The following OPCML variants were observed in gnomAD, a reference collection of about 807,000 sequenced individuals.
The protein encoded by OPCML is opioid binding protein/cell adhesion molecule like, also known as opioid-binding protein/cell adhesion molecule.
Under a neutral mutation model 37.8 loss-of-function variants are expected in OPCML, and 13 were observed. The observed-to-expected ratio is 0.34, with a 90% confidence interval of 0.22 to 0.55. The LOEUF (loss-of-function observed/expected upper bound fraction) is 0.55. Among genes scored for constraint, OPCML ranks in the 20% least tolerant of loss-of-function variants. The probability of loss-of-function intolerance (pLI) is 0.91; values close to 1 mark genes in which losing one functional copy is unlikely to be tolerated. For missense variants in OPCML, 341 were observed against 435.6 expected (o/e 0.78, Z 1.93); for synonymous variants, 176 against 168.8 (o/e 1.04, Z -0.33).
At chr11:132,912,364 A>G (rs149265348) in intron 2 of OPCML, among the ~76,000 whole-genome samples, 50 of 152,290 alleles carry the variant, frequency 3.3e-4, no homozygotes, top group Admixed American at 5.2e-4. Flanking sequence ...CCAATATACA[A>G]CTCAATATAT....
chr11:133,084,317 G>C (rs980442019), intron 1 of OPCML, among the ~76,000 whole-genome samples: 1 of 152,052 alleles, frequency 6.6e-6, no homozygotes, highest in Non-Finnish European at 1.5e-5. Flanking sequence ...AACATCATTT[G>C]GTTCTTATCA....
intron 1 of OPCML, among the ~76,000 whole-genome samples, chr11:133,001,739 G>T (rs765605456): frequency 9.9e-5 from 15 of 152,152 alleles, no homozygotes; most frequent in Non-Finnish European, 1.6e-4. Flanking sequence ...AAACCCAAAG[G>T]CCTATAGATT....
chr11:133,223,523 G>GA (rs1220129431), intron 1 of OPCML, among the ~76,000 whole-genome samples: 1 of 152,142 alleles, frequency 6.6e-6, no homozygotes. Context: ...GCATAGTCGG[G>GA]AAAAATATGG....
At chr11:133,007,109 A>G in intron 1 of OPCML, 1 of 985,394 alleles carries the variant, frequency 1.0e-6, no homozygotes. Flanking sequence ...GACATCCCCT[A>G]GAGCTTTATT....
chr11:133,027,703 C>T (rs1218667753), intron 1 of OPCML, among the ~76,000 whole-genome samples: 1 of 11,428 alleles, frequency 8.8e-5, no homozygotes, highest in Non-Finnish European at 1.8e-4. Flanking sequence ...TGGTATGTGT[C>T]ATGTGTATGG....
At chr11:132,674,351 C>G (rs1427178998) in intron 2 of OPCML, among the ~76,000 whole-genome samples, 1 of 152,150 alleles carries the variant, frequency 6.6e-6, no homozygotes, top group African/African-American at 2.4e-5. Flanking sequence ...TTTAAATCTG[C>G]AGGAAGCTGA....
intron 1 of OPCML, among the ~76,000 whole-genome samples, chr11:133,392,748 C>A (rs1398868926): frequency 6.6e-6 from 1 of 152,240 alleles, no homozygotes; most frequent in East Asian, 1.9e-4. Flanking sequence ...ACAGGTTTCT[C>A]TTAGCAGTCC....
intron 2 of OPCML, among the ~76,000 whole-genome samples, chr11:132,788,461 TC>T (rs1225081325): frequency 1.3e-5 from 2 of 152,170 alleles, no homozygotes; most frequent in African/African-American, 4.8e-5. Context: ...ACAATCTCTC[TC>T]CTGGGCTAGT....
At chr11:133,053,776 G>T (rs1031643336) in intron 1 of OPCML, among the ~76,000 whole-genome samples, 24 of 152,118 alleles carry the variant, frequency 1.6e-4, no homozygotes, top group African/African-American at 5.5e-4. Context: ...CACTGAGTTC[G>T]TGCCCAGGAA....
intron 2 of OPCML, among the ~76,000 whole-genome samples, chr11:132,689,477 T>C (rs1943314830): frequency 6.6e-6 from 1 of 152,196 alleles, no homozygotes; most frequent in Non-Finnish European, 1.5e-5. Flanking sequence ...GCTAAGGGTA[T>C]TAGAAAAGAA....
At position 132,982,934 on chromosome 11, in the gene OPCML, G is replaced by A. The variant is rs1174960341; in HGVS notation, c.62-39924C>T. On this transcript the variant is annotated intron_variant, in intron 1 of 7. Transcript: ENST00000524381. ...TTGGCCCCTTGTAAATCACAGAGTT[G>A]ATACTCCTGTTCCCAGCCTGGGTAA... Among the ~76,000 whole-genome samples, 7 of 152,272 alleles carry A rather than the reference G, an allele frequency of 4.6e-5. 1 individual carries two copies. The South Asian group carries it at 1.0e-3, about 23-fold the overall frequency.
intron 1 of OPCML, among the ~76,000 whole-genome samples, chr11:133,209,001 A>G (rs1334952188): frequency 6.6e-6 from 1 of 152,216 alleles, no homozygotes; most frequent in Non-Finnish European, 1.5e-5. Flanking sequence ...TTCTCTTCAC[A>G]TGACCAATTC....
chr11:132,791,210 G>C lies in OPCML; in HGVS notation c.147-133891C>G, dbSNP rs142885812. Reference sequence around the variant, plus strand: ...TCGTCCACGATCACACACTGTTGCAGCTGGGGAAGACTTGCCACATCTTCT... The same window carrying C: ...TCGTCCACGATCACACACTGTTGCACCTGGGGAAGACTTGCCACATCTTCT... On this transcript the variant is annotated intron_variant, in intron 2 of 7. Coordinates refer to ENST00000524381, the MANE Select transcript of OPCML (RefSeq NM_001012393.5). Among the ~76,000 whole-genome samples the C allele has an allele frequency of 1.7e-3, 255 of 152,316 alleles. 2 individuals carry two copies. The highest frequency in any genetic ancestry group is 4.0e-4 in the Non-Finnish European group (27 of 68,034).
intron 3 of OPCML, among the ~76,000 whole-genome samples, chr11:132,563,781 A>G (rs2096415919): frequency 6.7e-6 from 1 of 149,382 alleles, no homozygotes; most frequent in African/African-American, 2.5e-5. Context: ...CTTTTACGTT[A>G]TTAAAAAAAC....
intron 1 of OPCML, among the ~76,000 whole-genome samples, chr11:133,080,755 G>A (rs1189452159): frequency 1.3e-5 from 2 of 152,158 alleles, no homozygotes; most frequent in African/African-American, 4.8e-5. Flanking sequence ...CTATGAAGGA[G>A]CTCAATGGTT....
At chr11:132,583,629 T>G (rs2096466525) in intron 3 of OPCML, among the ~76,000 whole-genome samples, 1 of 152,146 alleles carries the variant, frequency 6.6e-6, no homozygotes, top group African/African-American at 2.4e-5. Flanking sequence ...ATTTATTTAC[T>G]TTTTGAAAGA....
At position 133,266,037 on chromosome 11, in the gene OPCML, A is replaced by G. The variant is rs554779502; in HGVS notation, c.61+266227T>C. Among the ~76,000 whole-genome samples, 98 of 152,276 alleles carry G rather than the reference A, an allele frequency of 6.4e-4. 1 individual carries two copies. The highest frequency in any genetic ancestry group is 2.3e-3 in the African/African-American group (94 of 41,546). On this transcript the variant is annotated intron_variant, in intron 1 of 7. Transcript: ENST00000524381. ...ACACAGGCCAAGAATCAAAATAGCA[A>G]TTTGATAGCAACACTAGGAAAAAAA... is the stretch of plus-strand genomic sequence containing the variant.
At chr11:133,325,606 T>C (rs1374935152) in intron 1 of OPCML, among the ~76,000 whole-genome samples, 3 of 152,168 alleles carry the variant, frequency 2.0e-5, no homozygotes, top group East Asian at 3.9e-4. Flanking sequence ...ATATATAAAT[T>C]GTAATTCTAT....
intron 1 of OPCML, among the ~76,000 whole-genome samples, chr11:133,251,744 T>C (rs1359555768): frequency 6.6e-6 from 1 of 152,188 alleles, no homozygotes; most frequent in East Asian, 1.9e-4. Flanking sequence ...CATTCGAAAG[T>C]GCTAAGTTCT....
Sources: gnomAD v4.1 joint callset for allele counts (sites outside exome capture counted in the v4.1 genomes callset) on GRCh38, gnomAD v4.1.1 for gene constraint, MANE v1.5 for transcripts, NCBI Gene and HGNC (gene_info 2026-07-23, HGNC 2026-07-21) for gene names.